Variants in FBXL7 observed in about 807,000 individuals in gnomAD.
FBXL7 encodes F-box/LRR-repeat protein 7.
In FBXL7, 12 loss-of-function variants were observed where a neutral mutation model predicts 38.3. The ratio of observed to expected loss-of-function variants is 0.31; its 90% CI spans 0.20 to 0.51. The LOEUF is 0.51. FBXL7 is among the 20% of genes least tolerant of loss of function. The pLI is 0.98. For synonymous variants in FBXL7, 297 were observed against 300.9 expected (o/e 0.99, Z 0.13); for missense variants, 567 against 676.4 (o/e 0.84, Z 1.79).
intron 3 of FBXL7, among the ~76,000 whole-genome samples, chr5:15,929,855 G>A (rs1315712669): frequency 6.6e-6 from 1 of 152,030 alleles, no homozygotes; most frequent in Non-Finnish European, 1.5e-5. Context: ...CCAACAGCAC[G>A]ACCAGCAACC....
rs150953850 is a variant in FBXL7 at position 15,538,035 on chromosome 5, C to T, written c.37+37322C>T. On this transcript the variant is annotated intron_variant, in intron 1 of 3. Coordinates refer to ENST00000504595, the MANE Select transcript of FBXL7 (RefSeq NM_012304.5). ...AATATCAACTAGACCCAGGTTTCAT[C>T]AGTACCAGTCAAATCAGATCTCTTC... 2.0e-5 allele frequency among the ~76,000 whole-genome samples: 3 copies of T among 152,322 alleles called. No homozygotes were observed. In the East Asian group the frequency reaches 5.8e-4, roughly 29 times the overall value.
At chr5:15,930,107 T>A (rs1331148738) in intron 3 of FBXL7, among the ~76,000 whole-genome samples, 8 of 152,334 alleles carry the variant, frequency 5.3e-5, no homozygotes, top group Non-Finnish European at 1.5e-5. Flanking sequence ...TCTACTTCAG[T>A]TGGCTTCAAG....
At chr5:15,836,384 G>A (rs546731362) in intron 2 of FBXL7, among the ~76,000 whole-genome samples, 147 of 152,162 alleles carry the variant, frequency 9.7e-4, no homozygotes, top group Non-Finnish European at 1.7e-3. Flanking sequence ...GAGCTATACA[G>A]AACAAAAAGA....
At position 15,662,811 on chromosome 5, in the gene FBXL7, C is replaced by T. The variant is rs532451261; in HGVS notation, c.127+46739C>T. On this transcript the variant is annotated intron_variant, in intron 2 of 3. Transcript: ENST00000504595. ...CTTTGTCAAAGATCAGATGGTCATA[C>T]GTGTGTGACCTTATTTCTGGGCTCT... Among the ~76,000 whole-genome samples the T allele has an allele frequency of 4.3e-4, 66 of 152,074 alleles. 1 individual carries two copies. Among genetic ancestry groups the T allele is most frequent in the African/African-American group, 1.5e-3 (63 of 41,498 alleles).
chr5:15,623,671 T>C (rs1373283687), intron 2 of FBXL7, among the ~76,000 whole-genome samples: 1 of 152,218 alleles, frequency 6.6e-6, no homozygotes, highest in African/African-American at 2.4e-5. Flanking sequence ...ATGAATCATC[T>C]AGGGAAGGAA....
chr5:15,898,309 C>A (rs1459658199), intron 2 of FBXL7, among the ~76,000 whole-genome samples: 1 of 152,120 alleles, frequency 6.6e-6, no homozygotes, highest in Non-Finnish European at 1.5e-5. Flanking sequence ...CAGCCACGTT[C>A]AAAATTCTGT....
chr5:15,875,331 A>T (rs1006703072), intron 2 of FBXL7, among the ~76,000 whole-genome samples: 1 of 152,232 alleles, frequency 6.6e-6, no homozygotes, highest in Non-Finnish European at 1.5e-5. Flanking sequence ...CCTAGGCAAT[A>T]CCATTGCATG....
At chr5:15,708,623 A>T (rs1338578313) in intron 2 of FBXL7, among the ~76,000 whole-genome samples, 1 of 152,142 alleles carries the variant, frequency 6.6e-6, no homozygotes, top group Non-Finnish European at 1.5e-5. Flanking sequence ...TCTCTTAACC[A>T]TTTGTAAATC....
At chr5:15,806,664 A>G (rs1561133801) in intron 2 of FBXL7, among the ~76,000 whole-genome samples, 1 of 152,168 alleles carries the variant, frequency 6.6e-6, no homozygotes, top group Non-Finnish European at 1.5e-5. Context: ...CTTGGAGGTC[A>G]TCCTGTTCTT....
chr5:15,847,137 G>T (rs932959046), intron 2 of FBXL7, among the ~76,000 whole-genome samples: 1 of 152,006 alleles, frequency 6.6e-6, no homozygotes, highest in Non-Finnish European at 1.5e-5. Context: ...TTCCCAGATG[G>T]TCCCTGAATT....
At chr5:15,915,202 G>A (rs1446193757) in intron 2 of FBXL7, among the ~76,000 whole-genome samples, 1 of 152,202 alleles carries the variant, frequency 6.6e-6, no homozygotes, top group African/African-American at 2.4e-5. Flanking sequence ...CATATAGTAA[G>A]CATTCAATAT....
intron 2 of FBXL7, among the ~76,000 whole-genome samples, chr5:15,669,307 A>AT (rs1194995525): frequency 2.0e-5 from 3 of 152,180 alleles, no homozygotes; most frequent in Admixed American, 2.0e-4. Flanking sequence ...GAGTTTGAAG[A>AT]TAAGTTCAGG....
At chr5:15,757,947 T>C (rs11744631) in intron 2 of FBXL7, among the ~76,000 whole-genome samples, 1 of 152,096 alleles carries the variant, frequency 6.6e-6, no homozygotes. Flanking sequence ...GCCCAAATGG[T>C]TCCCTTCTCT....
chr5:15,628,731 C>G (rs974223176), intron 2 of FBXL7, among the ~76,000 whole-genome samples: 2 of 152,086 alleles, frequency 1.3e-5, no homozygotes, highest in East Asian at 1.9e-4. Flanking sequence ...ATTAACTGCT[C>G]TCTTTTGAGT....
intron 2 of FBXL7, among the ~76,000 whole-genome samples, chr5:15,899,346 C>T (rs1265069442): frequency 1.3e-5 from 2 of 152,156 alleles, no homozygotes; most frequent in African/African-American, 4.8e-5. Context: ...GATTAACAGG[C>T]GTGAGCCACC....
In FBXL7 at chr5:15,736,554, C is replaced by G. The variant is rs139475086; in HGVS notation, c.127+120482C>G. On this transcript the variant is annotated intron_variant, in intron 2 of 3. Coordinates refer to ENST00000504595, the MANE Select transcript of FBXL7 (RefSeq NM_012304.5). ...ATAAATACGTAAAATAGCAACTATA[C>G]ACAAATTATTTCTAAGTGCAAAAGT... 1.9e-3 allele frequency among the ~76,000 whole-genome samples: 291 copies of G among 152,270 alleles called. 1 individual carries two copies. The highest frequency in any genetic ancestry group is 6.7e-3 in the African/African-American group (280 of 41,556).
intron 1 of FBXL7, among the ~76,000 whole-genome samples, chr5:15,550,011 C>T (rs546594450): frequency 2.0e-4 from 30 of 152,288 alleles, no homozygotes; most frequent in Admixed American, 1.2e-3. Context: ...GAAACCTGAG[C>T]CCAGCAGAAA....
intron 2 of FBXL7, among the ~76,000 whole-genome samples, chr5:15,742,481 G>C (rs1260665276): frequency 6.6e-6 from 1 of 152,210 alleles, no homozygotes; most frequent in African/African-American, 2.4e-5. Context: ...CCCCAGAACA[G>C]TGTAGGCATG....
At chr5:15,553,805 G>A (rs7729327) in intron 1 of FBXL7, among the ~76,000 whole-genome samples, 88 of 152,188 alleles carry the variant, frequency 5.8e-4, no homozygotes, top group African/African-American at 1.9e-3. Flanking sequence ...GAACCAAGAC[G>A]AAAAATCTCT....
Sources: gnomAD v4.1 joint callset for allele counts (sites outside exome capture counted in the v4.1 genomes callset) on GRCh38, gnomAD v4.1.1 for gene constraint, MANE v1.5 for transcripts, NCBI Gene and HGNC (gene_info 2026-07-23, HGNC 2026-07-21) for gene names.